Variants in PLXNC1 observed in about 807,000 individuals in gnomAD.
PLXNC1 encodes plexin C1.
In PLXNC1, 75 loss-of-function variants were observed where a neutral mutation model predicts 178.2. The ratio of observed to expected loss-of-function variants is 0.42; its 90% CI spans 0.35 to 0.51. PLXNC1 has a LOEUF of 0.51. Among genes scored for constraint, PLXNC1 ranks in the 20% least tolerant of loss-of-function variants. The pLI is 0.02. For missense variants in PLXNC1, 1,503 were observed against 1,984.4 expected, an observed-to-expected ratio of 0.76 and a Z score of 4.61; for synonymous variants, 790 against 779.9, an observed-to-expected ratio of 1.01 and a Z score of -0.22.
intron 3 of PLXNC1, among the ~76,000 whole-genome samples, chr12:94,183,616 T>C (rs1424234937): frequency 6.6e-6 from 1 of 152,222 alleles, no homozygotes; most frequent in Non-Finnish European, 1.5e-5. Context: ...CATGCGTGTT[T>C]TTCCATTCAG....
At position 94,305,366 on chromosome 12, in the gene PLXNC1, G is replaced by A. The variant is rs1161459651; in HGVS notation, c.*81G>A. 2.2e-5 allele frequency: 17 copies of A among 774,010 alleles called. No individual in the cohort carries two copies. Among genetic ancestry groups the A allele is most frequent in the South Asian group, 4.9e-5 (3 of 61,688 alleles). The allele number at this position is 774,010 out of a possible 1,614,324, so 47.9% of individuals were successfully genotyped here. ...ATGGCTGCTTGAGCTACTCTGTGTC[G>A]TTAATTTGTTGTTTGCACATAGGTT... On this transcript the variant is annotated 3_prime_UTR_variant, in exon 31 of 31. Transcript: ENST00000258526.
At chr12:94,152,783 A>G (rs1961008218) in intron 1 of PLXNC1, among the ~76,000 whole-genome samples, 1 of 152,220 alleles carries the variant, frequency 6.6e-6, no homozygotes, top group Admixed American at 6.5e-5. Context: ...GAAAAGTGAC[A>G]GGACTGACTG....
chr12:94,278,086 G>A (rs1319328579), intron 21 of PLXNC1: 2 of 455,644 alleles, frequency 4.4e-6, no homozygotes, highest in Non-Finnish European at 8.8e-6. Context: ...GTATGGGCGA[G>A]CATCTTCCTT....
intron 21 of PLXNC1, among the ~76,000 whole-genome samples, chr12:94,276,746 C>G (rs796848656): frequency 5.3e-5 from 8 of 152,292 alleles, no homozygotes; most frequent in African/African-American, 1.9e-4. Flanking sequence ...AGGCACTCTG[C>G]CCACCAGCTC....
intron 28 of PLXNC1, among the ~76,000 whole-genome samples, chr12:94,301,916 TAC>T (rs1968503069): frequency 6.6e-6 from 1 of 152,204 alleles, no homozygotes; most frequent in Non-Finnish European, 1.5e-5. Flanking sequence ...GGTTACCACT[TAC>T]TTCTGTCTCA....
chr12:94,220,447 G>A (rs773323003), intron 6 of PLXNC1, among the ~76,000 whole-genome samples: 2 of 152,168 alleles, frequency 1.3e-5, no homozygotes, highest in Non-Finnish European at 2.9e-5. Flanking sequence ...CTACCCAAAT[G>A]GTTTAGATAA....
chr12:94,213,964 T>C (rs1238063930), intron 5 of PLXNC1, among the ~76,000 whole-genome samples: 2 of 152,082 alleles, frequency 1.3e-5, no homozygotes, highest in African/African-American at 4.8e-5. Flanking sequence ...CCTCCCAGGT[T>C]CAAGCGATTC....
At chr12:94,284,541 A>G (rs1442238948) in intron 23 of PLXNC1, among the ~76,000 whole-genome samples, 1 of 152,134 alleles carries the variant, frequency 6.6e-6, no homozygotes, top group Non-Finnish European at 1.5e-5. Flanking sequence ...TCACTGTTAT[A>G]GTTTTGCAAT....
chr12:94,225,950 G>T (rs1485865366), intron 7 of PLXNC1, among the ~76,000 whole-genome samples: 1 of 152,212 alleles, frequency 6.6e-6, no homozygotes, highest in African/African-American at 2.4e-5. Context: ...CCGGCCCTGT[G>T]CTAGCACCCC....
chr12:94,240,711 T>C (rs769771730), intron 11 of PLXNC1, 47 bp downstream of exon 11: 32 of 1,371,408 alleles, frequency 2.3e-5, no homozygotes, highest in Non-Finnish European at 3.2e-5. Flanking sequence ...TTAAAGGTCA[T>C]ATGCCCAAAG....
intron 4 of PLXNC1, among the ~76,000 whole-genome samples, chr12:94,193,104 C>T (rs1962783552): frequency 6.6e-6 from 1 of 151,942 alleles, no homozygotes; most frequent in Admixed American, 6.6e-5. Context: ...GGTGTAGGGA[C>T]CAGGCTGTAC....
chr12:94,297,044 A>G (rs1234960082), intron 24 of PLXNC1, 145 bp from the exon 25 acceptor site: 3 of 723,424 alleles, frequency 4.1e-6, no homozygotes, highest in Admixed American at 2.3e-5. Flanking sequence ...AGCAGGGGGA[A>G]AAATGTAGCT....
chr12:94,170,700 C>A (rs985642239), intron 2 of PLXNC1, among the ~76,000 whole-genome samples: 1 of 152,166 alleles, frequency 6.6e-6, no homozygotes, highest in Non-Finnish European at 1.5e-5. Context: ...TTCCCACAGC[C>A]TAATACAGTG....
At chr12:94,172,211 G>A (rs1409634958) in intron 2 of PLXNC1, among the ~76,000 whole-genome samples, 1 of 152,214 alleles carries the variant, frequency 6.6e-6, no homozygotes, top group Non-Finnish European at 1.5e-5. Flanking sequence ...AACGCAGACA[G>A]TAGGAGGAGG....
At chr12:94,212,650 T>G (rs55917561) in intron 5 of PLXNC1, among the ~76,000 whole-genome samples, 28 of 151,988 alleles carry the variant, frequency 1.8e-4, no homozygotes, top group African/African-American at 1.7e-4. Flanking sequence ...GCAAAGGACA[T>G]GAACTCATCT....
intron 4 of PLXNC1, among the ~76,000 whole-genome samples, chr12:94,196,283 T>C (rs754511036): frequency 5.3e-5 from 8 of 152,114 alleles, no homozygotes; most frequent in Non-Finnish European, 1.0e-4. Flanking sequence ...GGTCGGGTCA[T>C]GGGAACGGAT....
intron 2 of PLXNC1, among the ~76,000 whole-genome samples, chr12:94,180,129 T>A (rs1962253708): frequency 6.6e-6 from 1 of 152,064 alleles, no homozygotes; most frequent in Non-Finnish European, 1.5e-5. Flanking sequence ...CATGGCCTCC[T>A]CTCTCTCATC....
chr12:94,173,434 A>C (rs1288384123), intron 2 of PLXNC1, among the ~76,000 whole-genome samples: 1 of 152,262 alleles, frequency 6.6e-6, no homozygotes, highest in Middle Eastern at 3.2e-3. Flanking sequence ...GTGTAAGCAT[A>C]AAAGATAAGA....
At chr12:94,164,838 T>G (rs1249862733) in intron 1 of PLXNC1, among the ~76,000 whole-genome samples, 1 of 152,134 alleles carries the variant, frequency 6.6e-6, no homozygotes, top group Admixed American at 6.5e-5. Context: ...CTGAGAAAAG[T>G]TTCCCTCTTA....
Sources: gnomAD v4.1 joint callset for allele counts (sites outside exome capture counted in the v4.1 genomes callset) on GRCh38, gnomAD v4.1.1 for gene constraint, MANE v1.5 for transcripts, NCBI Gene and HGNC (gene_info 2026-07-23, HGNC 2026-07-21) for gene names.